Variants in NRXN3 observed in about 807,000 individuals in gnomAD.
The protein encoded by NRXN3 is neurexin 3, also known as neurexin III.
A neutral mutation model predicts 137.6 loss-of-function variants in NRXN3; 32 were observed. That is an observed-to-expected ratio of 0.23 (90% CI 0.18 to 0.31). NRXN3 has a LOEUF of 0.31. Ranked by LOEUF, NRXN3 falls within the 10% of genes least tolerant of loss-of-function variation. NRXN3 has a pLI of 1.00. For synonymous variants in NRXN3, 798 were observed against 784.5 expected, an observed-to-expected ratio of 1.02 and a Z score of -0.29; for missense variants, 1,574 against 2,062.5, an observed-to-expected ratio of 0.76 and a Z score of 4.59.
At chr14:78,840,198 C>A (rs1275231628) in intron 10 of NRXN3, among the ~76,000 whole-genome samples, 7 of 152,134 alleles carry the variant, frequency 4.6e-5, no homozygotes, top group Non-Finnish European at 1.0e-4. Context: ...GTTTTATGAT[C>A]ATCACTGTCA....
intron 15 of NRXN3, among the ~76,000 whole-genome samples, chr14:79,152,887 A>C (rs1319940051): frequency 6.6e-6 from 1 of 152,014 alleles, no homozygotes; most frequent in Non-Finnish European, 1.5e-5. Flanking sequence ...GTGTAATGTC[A>C]ATCTCATGAG....
intron 20 of NRXN3, among the ~76,000 whole-genome samples, chr14:79,856,128 G>C (rs2099401987): frequency 6.6e-6 from 1 of 152,114 alleles, no homozygotes; most frequent in South Asian, 2.1e-4. Flanking sequence ...GTGGAAGGGT[G>C]GTGGGGAAGC....
intron 10 of NRXN3, among the ~76,000 whole-genome samples, chr14:78,898,939 C>T (rs184546898): frequency 2.9e-4 from 44 of 152,030 alleles, no homozygotes; most frequent in African/African-American, 5.1e-4. Flanking sequence ...AGTAGCCTCA[C>T]GCTCTGGGTT....
chr14:79,303,162 G>T (rs2085432652), intron 15 of NRXN3, among the ~76,000 whole-genome samples: 1 of 151,936 alleles, frequency 6.6e-6, no homozygotes, highest in Non-Finnish European at 1.5e-5. Flanking sequence ...CCAGGCTTGG[G>T]GCTTTAGGGA....
chr14:78,481,399 A>G (rs2095471437), intron 4 of NRXN3, among the ~76,000 whole-genome samples: 1 of 152,168 alleles, frequency 6.6e-6, no homozygotes, highest in Admixed American at 6.5e-5. Flanking sequence ...CTGCGAAAAT[A>G]TTAGCTTTCA....
At chr14:78,316,227 A>G (rs868360086) in intron 4 of NRXN3, among the ~76,000 whole-genome samples, 1 of 152,078 alleles carries the variant, frequency 6.6e-6, no homozygotes. Context: ...CTGGGTTTAG[A>G]ATAAAGGCTC....
At chr14:78,468,464 G>A (rs1290106171) in intron 4 of NRXN3, among the ~76,000 whole-genome samples, 4 of 152,152 alleles carry the variant, frequency 2.6e-5, no homozygotes, top group African/African-American at 9.7e-5. Flanking sequence ...AGTTAGCAGA[G>A]GCTTGTTTTT....
At chr14:78,927,824 G>C (rs560498475) in intron 10 of NRXN3, among the ~76,000 whole-genome samples, 6 of 152,278 alleles carry the variant, frequency 3.9e-5, no homozygotes, top group African/African-American at 1.4e-4. Flanking sequence ...GGACAGTGCA[G>C]TCGTTAAGGC....
chr14:78,855,567 G>C (rs777541788), intron 10 of NRXN3, among the ~76,000 whole-genome samples: 2 of 152,106 alleles, frequency 1.3e-5, no homozygotes, highest in African/African-American at 4.8e-5. Flanking sequence ...TTTACTGCTA[G>C]AATTTGAGAT....
At position 79,459,277 on chromosome 14, in the gene NRXN3, T is replaced by G. The variant is rs149420603; in HGVS notation, c.3263-7944T>G. Among the ~76,000 whole-genome samples the G allele has an allele frequency of 5.3e-5, 8 of 152,184 alleles. No homozygotes were observed. The East Asian group carries it at 1.5e-3, about 29-fold the overall frequency. On this transcript the variant is annotated intron_variant, in intron 15 of 20. Transcript: ENST00000335750. ...TATTAAAGTCATAACCCTCAGTATC[T>G]CAGAATGTGACTGCATTTGAAGATA...
intron 19 of NRXN3, among the ~76,000 whole-genome samples, chr14:79,776,201 T>C (rs1291422296): frequency 1.3e-5 from 2 of 152,356 alleles, no homozygotes; most frequent in East Asian, 1.9e-4. Context: ...TCTGCTTTAA[T>C]AGCATTTATC....
At chr14:78,858,391 T>C (rs2099063289) in intron 10 of NRXN3, among the ~76,000 whole-genome samples, 1 of 152,152 alleles carries the variant, frequency 6.6e-6, no homozygotes, top group Non-Finnish European at 1.5e-5. Context: ...AGGCAGTTTG[T>C]AATGTGTGGA....
intron 4 of NRXN3, among the ~76,000 whole-genome samples, chr14:78,456,667 C>T (rs79581874): frequency 0.026 from 4,031 of 152,190 alleles, 174 homozygotes; most frequent in African/African-American, 0.085. Context: ...TCATCACCTT[C>T]TTATTCTGTT....
intron 15 of NRXN3, among the ~76,000 whole-genome samples, chr14:79,029,329 T>G (rs1258987262): frequency 2.0e-5 from 3 of 152,252 alleles, no homozygotes; most frequent in Non-Finnish European, 2.9e-5. Context: ...CTGGTTCTGA[T>G]TAAATAAAGC....
intron 4 of NRXN3, among the ~76,000 whole-genome samples, chr14:78,605,160 T>C (rs1039153330): frequency 2.6e-4 from 40 of 152,182 alleles, no homozygotes; most frequent in Admixed American, 2.0e-3. Context: ...TCTTTGGTCC[T>C]TTTGAGTTTT....
chr14:78,679,692 G>T (rs2098052919), intron 6 of NRXN3, among the ~76,000 whole-genome samples: 1 of 152,184 alleles, frequency 6.6e-6, no homozygotes, highest in Non-Finnish European at 1.5e-5. Flanking sequence ...TGAAGCAGTA[G>T]TTTGACAAGG....
At chr14:78,190,628 TTTATTTATTTATTTATTTATTTATTTAC>T (rs1468595069) in intron 1 of NRXN3, among the ~76,000 whole-genome samples, 7 of 70,188 alleles carry the variant, frequency 1.0e-4, no homozygotes, top group African/African-American at 4.5e-4. Flanking sequence ...TATTTATTTA[TTTATTTATTTATTTATTTATTTATTTAC>T]TTACTTACTT....
intron 15 of NRXN3, among the ~76,000 whole-genome samples, chr14:79,379,047 C>T (rs191582119): frequency 3.9e-5 from 6 of 152,212 alleles, no homozygotes; most frequent in East Asian, 1.9e-4. Context: ...TTTACTTCTC[C>T]GCTTTCTCAA....
At chr14:79,252,114 C>T (rs1358876544) in intron 15 of NRXN3, among the ~76,000 whole-genome samples, 1 of 152,184 alleles carries the variant, frequency 6.6e-6, no homozygotes, top group African/African-American at 2.4e-5. Flanking sequence ...CTTTAGTTGA[C>T]AGTTAAATAT....
Sources: allele counts gnomAD v4.1 joint callset (sites outside exome capture counted in the v4.1 genomes callset), GRCh38; gene constraint gnomAD v4.1.1; transcripts MANE v1.5; gene names NCBI Gene and HGNC (gene_info 2026-07-23, HGNC 2026-07-21).